CAST: variants seen among roughly 807,000 people sequenced by gnomAD.
CAST encodes the protein MIR583 host.
A neutral mutation model predicts 119.6 loss-of-function variants in CAST; 76 were observed. The observed-to-expected ratio is 0.64, with a 90% CI of 0.53 to 0.77. The LOEUF (loss-of-function observed/expected upper bound fraction) is 0.77, where lower values mean the gene tolerates loss of function less well. CAST is among the 30% of genes least tolerant of loss of function. The pLI is 0.00. For missense variants in CAST, 953 were observed against 946.5 expected, an observed-to-expected ratio of 1.01 and a Z score of -0.09; for synonymous variants, 319 against 331.6, an observed-to-expected ratio of 0.96 and a Z score of 0.41.
the CAST span, among the ~76,000 whole-genome samples, chr5:95,967,380 G>A: frequency 4.0e-5 from 6 of 151,060 alleles, no homozygotes; most frequent in African/African-American, 1.5e-4. Flanking sequence ...AATAGACACT[G>A]CATTCCAGCC....
chr5:96,468,196 C>T, the CAST span, among the ~76,000 whole-genome samples: 7 of 151,856 alleles, frequency 4.6e-5, no homozygotes, highest in Non-Finnish European at 1.0e-4. Context: ...CAAAGGCATT[C>T]GGAGTGGTAT....
the CAST span, among the ~76,000 whole-genome samples, chr5:96,103,721 TG>T: frequency 6.6e-6 from 1 of 152,024 alleles, no homozygotes; most frequent in East Asian, 1.9e-4. Context: ...TACCCAGTAA[TG>T]GGATGGCTGG....
chr5:96,090,107 C>T, the CAST span, among the ~76,000 whole-genome samples: 48 of 152,256 alleles, frequency 3.2e-4, 1 homozygote, highest in Admixed American at 2.4e-3. Context: ...GTCCCTAGCA[C>T]GATGCCTAGG....
chr5:96,118,453 G>A, the CAST span, among the ~76,000 whole-genome samples: 102 of 152,208 alleles, frequency 6.7e-4, 1 homozygote, highest in African/African-American at 1.9e-3. Context: ...TTTCTTTCAC[G>A]TAGAGTTTGT....
At chr5:96,633,835 A>G (rs1000810423) in intron 1 of CAST, among the ~76,000 whole-genome samples, 1 of 152,188 alleles carries the variant, frequency 6.6e-6, no homozygotes, top group Non-Finnish European at 1.5e-5. Context: ...TTCACCCAGA[A>G]ACACACTCTA....
chr5:96,466,166 A>G, the CAST span, among the ~76,000 whole-genome samples: 1 of 152,236 alleles, frequency 6.6e-6, no homozygotes. Flanking sequence ...TACTATCTGT[A>G]TAGTTAATTT....
chr5:96,233,297 A>G, the CAST span, among the ~76,000 whole-genome samples: 2 of 152,108 alleles, frequency 1.3e-5, no homozygotes, highest in South Asian at 4.1e-4. Context: ...AACACCTCTG[A>G]GGAAACAGGA....
intron 1 of CAST, among the ~76,000 whole-genome samples, chr5:96,629,081 A>C (rs559585958): frequency 6.6e-6 from 1 of 151,612 alleles, no homozygotes; most frequent in East Asian, 2.0e-4. Context: ...TAAATGCCTT[A>C]AACCCGATAC....
chr5:96,067,185 G>T, the CAST span, among the ~76,000 whole-genome samples: 1 of 152,108 alleles, frequency 6.6e-6, no homozygotes, highest in Admixed American at 6.5e-5. Context: ...GTAAAAATAG[G>T]TAATAGGGGT....
At chr5:96,472,749 T>A in the CAST span, among the ~76,000 whole-genome samples, 1 of 152,172 alleles carries the variant, frequency 6.6e-6, no homozygotes, top group Non-Finnish European at 1.5e-5. Flanking sequence ...GTACCTCTAA[T>A]GTAAGAAGGT....
At chr5:96,148,293 AT>A in the CAST span, among the ~76,000 whole-genome samples, 1 of 151,940 alleles carries the variant, frequency 6.6e-6, no homozygotes, top group African/African-American at 2.4e-5. Flanking sequence ...TATGATAATG[AT>A]TTTTTTTGTG....
rs530932824 is a variant in CAST at position 96,656,953 on chromosome 5, A to C, written c.61-18586A>C. Among the ~76,000 whole-genome samples the C allele has an allele frequency of 3.3e-5, 5 of 152,188 alleles. No individual in the cohort carries two copies. In the East Asian group the frequency reaches 7.7e-4, roughly 23 times the overall value. On this transcript the variant is annotated intron_variant, in intron 1 of 11. Transcript: ENST00000505143. ...GACACTTTTTCTTAATTAAAAAAAA[A>C]CACTGTGGCTTGCAGGCAATTGAAG...
chr5:96,433,170 GC>G, the CAST span: 1 of 905,420 alleles, frequency 1.1e-6, no homozygotes, highest in East Asian at 2.5e-5. Context: ...TGGTTGCTCT[GC>G]GAAGAGCTAG....
At chr5:96,027,981 ATT>A in the CAST span, among the ~76,000 whole-genome samples, 3 of 149,804 alleles carry the variant, frequency 2.0e-5, no homozygotes, top group Admixed American at 2.0e-4. Context: ...AAATGGAGAT[ATT>A]CTCCTTCTGA....
the CAST span, among the ~76,000 whole-genome samples, chr5:96,289,940 T>TAA: frequency 6.9e-6 from 1 of 145,294 alleles, no homozygotes; most frequent in African/African-American, 2.5e-5. Flanking sequence ...GGTTTTTTTT[T>TAA]TAAAAAAAAC....
the CAST span, among the ~76,000 whole-genome samples, chr5:96,285,175 A>T: frequency 2.0e-5 from 3 of 152,222 alleles, no homozygotes; most frequent in Non-Finnish European, 4.4e-5. Flanking sequence ...TATGTGCCAA[A>T]CATCGTTCCA....
intron 1 of CAST, among the ~76,000 whole-genome samples, chr5:96,561,941 C>T (rs1379051329): frequency 5.4e-5 from 7 of 130,128 alleles, no homozygotes; most frequent in Non-Finnish European, 5.2e-5. Flanking sequence ...TACAGACGCC[C>T]GCTACCACGC....
At chr5:96,370,423 A>G in the CAST span, among the ~76,000 whole-genome samples, 1 of 152,152 alleles carries the variant, frequency 6.6e-6, no homozygotes, top group Non-Finnish European at 1.5e-5. Flanking sequence ...TTGAAACTTT[A>G]AGCGTCCCAA....
the CAST span, among the ~76,000 whole-genome samples, chr5:96,396,753 G>T: frequency 0.7 from 106,929 of 152,016 alleles, 38,869 homozygotes; most frequent in African/African-American, 0.89. Flanking sequence ...CTCTGTACTT[G>T]CATTTTTGTG....
Sources: allele counts gnomAD v4.1 joint callset (sites outside exome capture counted in the v4.1 genomes callset), GRCh38; gene constraint gnomAD v4.1.1; transcripts MANE v1.5; gene names NCBI Gene and HGNC (gene_info 2026-07-23, HGNC 2026-07-21).